COL22A1: variants seen among roughly 807,000 people sequenced by gnomAD.
COL22A1 encodes the protein collagen type XXII alpha 1 chain, also known as collagen alpha-1(XXII) chain.
COL22A1 carries 221 observed loss-of-function variants against 248.9 expected under a neutral mutation model. That is an observed-to-expected ratio of 0.89 (90% CI 0.80 to 0.99). The LOEUF (loss-of-function observed/expected upper bound fraction) is 0.99, where lower values mean the gene tolerates loss of function less well. COL22A1 is among the 50% of genes least tolerant of loss of function. COL22A1 has a pLI of 0.00. For missense variants in COL22A1, 2,240 were observed against 2,179.0 expected (o/e 1.03, Z -0.56); for synonymous variants, 891 against 793.4 (o/e 1.12, Z -2.07).
At chr8:138,835,841 G>A (rs1175669257) in intron 4 of COL22A1, among the ~76,000 whole-genome samples, 2 of 152,184 alleles carry the variant, frequency 1.3e-5, no homozygotes, top group Non-Finnish European at 2.9e-5. Flanking sequence ...TAATAACAGT[G>A]TAGTAGACAA....
At chr8:138,879,797 G>C (rs1218132065) in intron 2 of COL22A1, among the ~76,000 whole-genome samples, 1 of 151,682 alleles carries the variant, frequency 6.6e-6, no homozygotes, top group Non-Finnish European at 1.5e-5. Context: ...AGAAGCAGAG[G>C]ACCAGGCCTC....
intron 22 of COL22A1, among the ~76,000 whole-genome samples, chr8:138,741,828 G>C (rs1831584127): frequency 6.6e-6 from 1 of 152,206 alleles, no homozygotes; most frequent in South Asian, 2.1e-4. Context: ...TGGTGATTTT[G>C]ATGATAATAA....
At chr8:138,598,203 CTAAA>C (rs1346109140) in intron 61 of COL22A1, among the ~76,000 whole-genome samples, 1 of 151,988 alleles carries the variant, frequency 6.6e-6, no homozygotes. Context: ...CATCATCACT[CTAAA>C]TAAGCCCTTG....
At chr8:138,636,025 G>A (rs1821125880) in intron 48 of COL22A1, among the ~76,000 whole-genome samples, 1 of 152,164 alleles carries the variant, frequency 6.6e-6, no homozygotes, top group Non-Finnish European at 1.5e-5. Flanking sequence ...ATGAGCACTG[G>A]CTGTGAGATG....
At chr8:138,882,650 C>T (rs1029806164) in intron 2 of COL22A1, among the ~76,000 whole-genome samples, 2 of 149,178 alleles carry the variant, frequency 1.3e-5, no homozygotes, top group African/African-American at 5.0e-5. Flanking sequence ...TCTCACACTC[C>T]CTCACACACT....
intron 41 of COL22A1, among the ~76,000 whole-genome samples, chr8:138,670,952 C>T (rs1824966283): frequency 1.1e-5 from 1 of 94,550 alleles, no homozygotes; most frequent in African/African-American, 4.0e-5. Flanking sequence ...CAGAGCGAGA[C>T]CTTGTCTCAA....
At chr8:138,843,624 T>C (rs1394312870) in intron 4 of COL22A1, among the ~76,000 whole-genome samples, 1 of 152,174 alleles carries the variant, frequency 6.6e-6, no homozygotes, top group Non-Finnish European at 1.5e-5. Flanking sequence ...CAGCCTTTGG[T>C]GAGACTCTGC....
chr8:138,768,099 C>T (rs1474599625), intron 16 of COL22A1, among the ~76,000 whole-genome samples: 1 of 152,202 alleles, frequency 6.6e-6, no homozygotes, highest in Non-Finnish European at 1.5e-5. Flanking sequence ...CCCACAGCCT[C>T]CTGGCCCTCC....
intron 42 of COL22A1, among the ~76,000 whole-genome samples, chr8:138,662,762 C>T (rs528428784): frequency 6.6e-6 from 1 of 152,238 alleles, no homozygotes; most frequent in South Asian, 2.1e-4. Flanking sequence ...CCTGTCTTGC[C>T]TCTACTTTGC....
chr8:138,877,981 T>C lies in COL22A1; in HGVS notation c.427A>G (p.Lys143Glu). Reference sequence around the variant, plus strand: ...TCGGTGAGCAGGATGGCCACCTGCTTGTAGGCGCGGTCCCTGGGGCGGCCG... The same window carrying C: ...TCGGTGAGCAGGATGGCCACCTGCTCGTAGGCGCGGTCCCTGGGGCGGCCG... ...AGGRPRDRAY[K>E]QVAILLTDGR... The change falls in exon 3 of 65, where the codon AAG becomes GAG. Residue 143 changes from lysine (K) to glutamate (E), a missense_variant. Coordinates refer to ENST00000303045, the MANE Select transcript of COL22A1 (RefSeq NM_152888.3). 1.3e-6 allele frequency: 2 copies of C among 1,589,078 alleles called. No homozygotes were observed. The highest frequency in any genetic ancestry group is 8.6e-7 in the Non-Finnish European group (1 of 1,167,864).
chr8:138,750,987 A>G lies in COL22A1; in HGVS notation c.2085+471T>C, dbSNP rs184897706. 1.6e-3 allele frequency among the ~76,000 whole-genome samples: 199 copies of G among 125,828 alleles called. 1 individual carries two copies. Among genetic ancestry groups the G allele is most frequent in the African/African-American group, 5.7e-3 (183 of 32,134 alleles). 82.5% of individuals were successfully genotyped at this position (125,828 alleles called of 152,430 possible). On this transcript the variant is annotated intron_variant, in intron 22 of 64. Coordinates refer to ENST00000303045, the MANE Select transcript of COL22A1 (RefSeq NM_152888.3). ...TACCCTTATGGTGTGCACAATCTAG[A>G]TAGGAAAACAGGTGCTTAATTAATT...
intron 27 of COL22A1, among the ~76,000 whole-genome samples, chr8:138,719,801 C>T (rs536259706): frequency 6.6e-6 from 1 of 152,288 alleles, no homozygotes; most frequent in African/African-American, 2.4e-5. Flanking sequence ...TGTATCTAAG[C>T]AGTGCTTGCC....
intron 32 of COL22A1, among the ~76,000 whole-genome samples, chr8:138,696,315 G>T (rs1023877838): frequency 2.0e-5 from 3 of 152,182 alleles, no homozygotes; most frequent in African/African-American, 7.2e-5. Context: ...GAGCTGGGAT[G>T]AGCATCTGCC....
At chr8:138,760,937 C>T (rs754225244) in intron 17 of COL22A1, among the ~76,000 whole-genome samples, 2 of 152,098 alleles carry the variant, frequency 1.3e-5, no homozygotes, top group Non-Finnish European at 2.9e-5. Flanking sequence ...CCTCAGCCAG[C>T]GTCCTCACAG....
intron 7 of COL22A1, 122 bp from the exon 8 acceptor site, chr8:138,813,141 G>T: frequency 2.8e-6 from 2 of 726,102 alleles, no homozygotes; most frequent in Non-Finnish European, 4.9e-6. Context: ...GTCTTCCTGA[G>T]TCCACCCCAG....
chr8:138,836,971 G>A, intron 4 of COL22A1, among the ~76,000 whole-genome samples: 1 of 152,186 alleles, frequency 6.6e-6, no homozygotes, highest in South Asian at 2.1e-4. Context: ...AAGGCACTCT[G>A]CTCCCACACA....
At chr8:138,623,269 TG>T (rs1819970169) in intron 52 of COL22A1, among the ~76,000 whole-genome samples, 1 of 74,970 alleles carries the variant, frequency 1.3e-5, no homozygotes, top group South Asian at 5.2e-4. Flanking sequence ...TTTATGTGTG[TG>T]TGTGTGTGTG....
At chr8:138,754,042 C>A (rs762230192) in intron 21 of COL22A1, among the ~76,000 whole-genome samples, 7 of 152,222 alleles carry the variant, frequency 4.6e-5, no homozygotes, top group Non-Finnish European at 8.8e-5. Flanking sequence ...GTGCAAACCA[C>A]TCAATGTCTC....
intron 12 of COL22A1, among the ~76,000 whole-genome samples, chr8:138,795,005 A>G (rs2131597093): frequency 6.6e-6 from 1 of 152,268 alleles, no homozygotes; most frequent in African/African-American, 2.4e-5. Flanking sequence ...GCCTATGATC[A>G]ACAGTACTGT....
Sources: gnomAD v4.1 joint callset for allele counts (sites outside exome capture counted in the v4.1 genomes callset) on GRCh38, gnomAD v4.1.1 for gene constraint, MANE v1.5 for transcripts, NCBI Gene and HGNC (gene_info 2026-07-23, HGNC 2026-07-21) for gene names.